Variants in ADCY5 observed in about 807,000 individuals in gnomAD.
ADCY5 encodes the protein adenylate cyclase 5, also known as adenylate cyclase type 5.
In ADCY5, 30 loss-of-function variants were observed where a neutral mutation model predicts 119.7. The observed-to-expected ratio is 0.25, with a 90% CI of 0.19 to 0.34. The LOEUF is 0.34. Among genes scored for constraint, ADCY5 ranks in the 10% least tolerant of loss-of-function variants. The probability of loss-of-function intolerance (pLI) is 1.00; values close to 1 mark genes in which losing one functional copy is unlikely to be tolerated. For synonymous variants in ADCY5, 753 were observed against 762.2 expected (o/e 0.99, Z 0.20); for missense variants, 1,324 against 1,775.2 (o/e 0.75, Z 4.57).
At chr3:123,420,768 G>A (rs1051373962) in intron 1 of ADCY5, among the ~76,000 whole-genome samples, 1 of 152,202 alleles carries the variant, frequency 6.6e-6, no homozygotes, top group Non-Finnish European at 1.5e-5. Context: ...CCCCAACTCA[G>A]TGGCATAAAC....
intron 14 of ADCY5, among the ~76,000 whole-genome samples, chr3:123,301,296 C>T (rs1234250518): frequency 6.6e-6 from 1 of 152,212 alleles, no homozygotes; most frequent in Non-Finnish European, 1.5e-5. Context: ...GACCCTCAGC[C>T]TCCTCAGGCC....
intron 10 of ADCY5, 45 bp from the exon 11 acceptor site, chr3:123,318,162 C>T (rs369460277): frequency 1.3e-4 from 189 of 1,503,054 alleles, no homozygotes; most frequent in South Asian, 6.8e-4. Context: ...GTACCTGGCC[C>T]GGTCTGCTCC....
At chr3:123,403,948 TAC>T (rs1944838113) in intron 1 of ADCY5, among the ~76,000 whole-genome samples, 1 of 152,308 alleles carries the variant, frequency 6.6e-6, no homozygotes, top group East Asian at 1.9e-4. Context: ...TAGCCTTCCT[TAC>T]ATGCTATTCT....
chr3:123,403,217 A>C (rs1944819793), intron 1 of ADCY5, among the ~76,000 whole-genome samples: 1 of 151,976 alleles, frequency 6.6e-6, no homozygotes, highest in Admixed American at 6.6e-5. Context: ...CCATCTCTAC[A>C]AAAGATACAA....
intron 1 of ADCY5, among the ~76,000 whole-genome samples, chr3:123,381,636 T>C (rs746006118): frequency 1.3e-5 from 2 of 152,222 alleles, no homozygotes; most frequent in Non-Finnish European, 2.9e-5. Context: ...GTACTTTTTG[T>C]ACAAGGGGTC....
rs191790927 is a variant in ADCY5, at chr3:123,399,030, G to T, written c.1135-46449C>A. ...CTTAGAATCTCCCAGGGGCAGGACT[G>T]GGGGAGCTCTCTCCATACCCTCCCC... On this transcript the variant is annotated intron_variant, in intron 1 of 20. Transcript: ENST00000462833. Among the ~76,000 whole-genome samples, 293 of 152,258 alleles carry T rather than the reference G, an allele frequency of 1.9e-3. 1 individual carries two copies. Among genetic ancestry groups the T allele is most frequent in the African/African-American group, 6.8e-3 (281 of 41,544 alleles).
In ADCY5 at chr3:123,447,678, G is replaced by C; in HGVS notation, c.868C>G (p.Arg290Gly). Residue 290 changes from arginine to glycine, a missense_variant, in exon 1 of 21, where the codon CGC becomes GGC. By Grantham distance (125) the Arg-to-Gly change is moderately radical (BLOSUM62 -2). This residue lies in a region of ADCY5 where 585 missense variants were observed against 569.9 expected (regional missense o/e 1.03). Coordinates refer to ENST00000462833, the MANE Select transcript of ADCY5 (RefSeq NM_183357.3). ...VILIMAVLCN[R>G]AAFHQDHMGL... ...ATGTGGTCCTGGTGGAAGGCGGCGC[G>C]GTTGCAAAGCACAGCCATGATGAGG... is the stretch of plus-strand genomic sequence containing the variant. 1 of 1,606,072 alleles carries C rather than the reference G, an allele frequency of 6.2e-7. No individual in the cohort carries two copies. The highest frequency in any genetic ancestry group is 8.5e-7 in the Non-Finnish European group (1 of 1,175,792).
At chr3:123,322,956 A>G (rs1576572310) in intron 8 of ADCY5, among the ~76,000 whole-genome samples, 1 of 152,314 alleles carries the variant, frequency 6.6e-6, no homozygotes, top group African/African-American at 2.4e-5. Flanking sequence ...CAGCGTGGGC[A>G]GCTCAGGGTG....
At chr3:123,413,799 A>G (rs1333691229) in intron 1 of ADCY5, among the ~76,000 whole-genome samples, 1 of 152,078 alleles carries the variant, frequency 6.6e-6, no homozygotes. Context: ...TGCAAGAGAC[A>G]TGAAACCCAG....
Position 123,286,989 on chromosome 3 carries a change from G to A in ADCY5, c.3533-180C>T, listed in dbSNP as rs2108164603. ...TACCCTGCTCCTGTCAAATGCCTGT[G>A]AATGCAAGACACAAGGAGCCTGCAC... On this transcript the variant is annotated intron_variant, in intron 19 of 20. Transcript: ENST00000462833. This position sits in a 1 kb window ranked among gnomAD's most constrained non-coding sequence, Gnocchi z 4.2. 1.2e-6 allele frequency: 1 copy of A among 805,594 alleles called. No homozygotes were observed. Among genetic ancestry groups the A allele is most frequent in the East Asian group, 3.0e-5 (1 of 33,788 alleles). 49.9% of individuals were successfully genotyped at this position (805,594 alleles called of 1,614,324 possible).
chr3:123,303,838 A>AAGAGAAGAGAAGAGAAGAGAAGAG (rs1940008231), intron 13 of ADCY5, among the ~76,000 whole-genome samples: 4 of 99,454 alleles, frequency 4.0e-5, no homozygotes, highest in African/African-American at 1.8e-4. Flanking sequence ...ACTGGAAAGA[A>AAGAGAAGAGAAGAGAAGAGAAGAG]AAGAGAAGAG....
At position 123,330,959 on chromosome 3, in the gene ADCY5, G is replaced by T. The variant is rs1267719020; in HGVS notation, c.1576C>A (p.Leu526Met). 6.2e-7 allele frequency: 1 copy of T among 1,614,082 alleles called. No individual in the cohort carries two copies. Among genetic ancestry groups the T allele is most frequent in the Admixed American group, 1.7e-5 (1 of 60,024 alleles). Reference sequence around the variant, plus strand: ...GCGTGGTCAGCCCTTGCTTCAGGCAGCCCCGAGACGCAGTAATAACAATCC... The same window carrying T: ...GCGTGGTCAGCCCTTGCTTCAGGCATCCCCGAGACGCAGTAATAACAATCC... ...LGDCYYCVSG[L>M]PEARADHAHC... Residue 526 changes from leucine to methionine, a missense_variant, in exon 5 of 21, where the codon CTG (leucine) becomes ATG (methionine). Leu to Met is a conservative substitution (Grantham distance 15). Transcript: ENST00000462833.
At chr3:123,285,997 G>A (rs527408026) in intron 20 of ADCY5, among the ~76,000 whole-genome samples, 2 of 152,334 alleles carry the variant, frequency 1.3e-5, no homozygotes, top group South Asian at 2.1e-4. Flanking sequence ...GTTAGCACCT[G>A]GAAAAACAGG....
chr3:123,348,829 C>T (rs1942700167), intron 2 of ADCY5, among the ~76,000 whole-genome samples: 1 of 152,186 alleles, frequency 6.6e-6, no homozygotes. Flanking sequence ...ATTCGCTCAT[C>T]CCCAGCCTTT....
intron 1 of ADCY5, among the ~76,000 whole-genome samples, chr3:123,383,829 TGCACACACACACACTTCCTCAAGGCAC>T (rs1019703369): frequency 1.3e-5 from 2 of 149,738 alleles, no homozygotes; most frequent in Admixed American, 6.6e-5. Context: ...AAGGTGCACG[TGCACACACACACACTTCCTCAAGGCAC>T]GCACACACAC....
intron 4 of ADCY5, 89 bp from the exon 5 acceptor site, chr3:123,331,105 G>A: frequency 7.0e-7 from 1 of 1,433,480 alleles, no homozygotes; most frequent in Non-Finnish European, 9.5e-7. Flanking sequence ...TTCACCCCGT[G>A]CCTGGAATAA....
chr3:123,300,350 C>T, intron 14 of ADCY5, 55 bp from the exon 15 acceptor site: 1 of 1,569,108 alleles, frequency 6.4e-7, no homozygotes, highest in South Asian at 1.1e-5. Flanking sequence ...ACCCCGGGCC[C>T]TGGCCCCATG....
At chr3:123,386,706 TCCAGGAAACACCCCTGA>T (rs1944236957) in intron 1 of ADCY5, among the ~76,000 whole-genome samples, 5 of 152,080 alleles carry the variant, frequency 3.3e-5, no homozygotes, top group Admixed American at 3.3e-4. Context: ...TTCAAGGACG[TCCAGGAAACACCCCTGA>T]CCAGTCTTTT....
At position 123,282,806 on chromosome 3, in the gene ADCY5, T is replaced by C. The variant is rs1938458864; in HGVS notation, c.*1802A>G. On this transcript the variant is annotated 3_prime_UTR_variant, in exon 21 of 21. Coordinates refer to ENST00000462833, the MANE Select transcript of ADCY5 (RefSeq NM_183357.3). ...GGTGCTAGAGCCCAGTGAGAGGTGG[T>C]ACAGGTGGACATCAAAGTCACATTG... The C allele has an allele frequency of 6.6e-6, 1 of 152,150 alleles. No individual in the cohort carries two copies. The highest frequency in any genetic ancestry group is 2.4e-5 in the African/African-American group (1 of 41,398). 9.4% of individuals were successfully genotyped at this position (152,150 alleles called of 1,614,324 possible).
Sources: gnomAD v4.1 joint callset for allele counts (sites outside exome capture counted in the v4.1 genomes callset) on GRCh38, gnomAD v4.1.1 for gene constraint, gnomAD v4.1.1 regional missense constraint, Gnocchi (gnomAD v3.1) non-coding constraint, MANE v1.5 for transcripts, NCBI Gene and HGNC (gene_info 2026-07-23, HGNC 2026-07-21) for gene names.